The following RBM20 variants were observed in gnomAD, a reference collection of about 807,000 sequenced individuals.
The protein encoded by RBM20 is RNA binding motif protein 20.
Under a neutral mutation model 110.1 loss-of-function variants are expected in RBM20, and 51 were observed. The ratio of observed to expected loss-of-function variants is 0.46; its 90% CI spans 0.37 to 0.59. RBM20 has a LOEUF of 0.59. Ranked by LOEUF, RBM20 falls within the 20% of genes least tolerant of loss-of-function variation. RBM20 has a pLI of 0.00. For missense variants in RBM20, 1,512 were observed against 1,574.9 expected (o/e 0.96, Z 0.68); for synonymous variants, 589 against 618.2 (o/e 0.95, Z 0.70).
intron 1 of RBM20, among the ~76,000 whole-genome samples, chr10:110,659,030 C>A (rs1442907933): frequency 6.6e-6 from 1 of 152,196 alleles, no homozygotes; most frequent in Non-Finnish European, 1.5e-5. Context: ...CCTTTGCTAT[C>A]CTCATCACCT....
chr10:110,818,106 C>T lies in RBM20; in HGVS notation c.2551-1966C>T, dbSNP rs182158214. On this transcript the variant is annotated intron_variant, in intron 9 of 13. Coordinates refer to ENST00000369519, the MANE Select transcript of RBM20 (RefSeq NM_001134363.3). Reference sequence around the variant, plus strand: ...ACCAGCCTGGCCAACATGGTGAAACCCTGTCTCTACTAAAAATACAAAAAA... The same window carrying T: ...ACCAGCCTGGCCAACATGGTGAAACTCTGTCTCTACTAAAAATACAAAAAA... Among the ~76,000 whole-genome samples the T allele has an allele frequency of 1.8e-3, 247 of 139,670 alleles. 2 individuals carry two copies. Among genetic ancestry groups the T allele is most frequent in the African/African-American group, 6.4e-3 (238 of 37,126 alleles). 91.6% of individuals were successfully genotyped at this position (139,670 alleles called of 152,430 possible).
At chr10:110,768,022 G>A (rs1292616813) in intron 1 of RBM20, among the ~76,000 whole-genome samples, 1 of 152,250 alleles carries the variant, frequency 6.6e-6, no homozygotes, top group Non-Finnish European at 1.5e-5. Context: ...GCGGTTAGGA[G>A]CTGGAGACCA....
At chr10:110,806,062 C>T (rs998063392) in intron 7 of RBM20, among the ~76,000 whole-genome samples, 3 of 152,094 alleles carry the variant, frequency 2.0e-5, no homozygotes, top group Non-Finnish European at 2.9e-5. Context: ...CACTTGAGGT[C>T]AGGGGTTCAA....
intron 1 of RBM20, among the ~76,000 whole-genome samples, chr10:110,664,696 G>A (rs1342689696): frequency 2.6e-5 from 4 of 152,158 alleles, no homozygotes; most frequent in Middle Eastern, 3.4e-3. Context: ...GCAGTGAGCC[G>A]AGATGGTGCC....
intron 5 of RBM20, among the ~76,000 whole-genome samples, chr10:110,786,574 TG>T (rs1235548241): frequency 2.0e-5 from 3 of 152,246 alleles, no homozygotes; most frequent in Non-Finnish European, 4.4e-5. Flanking sequence ...AAGAGAATTT[TG>T]TGGTTTCCCT....
At position 110,784,827 on chromosome 10, in the gene RBM20, A is replaced by T. The variant is rs1428693228; in HGVS notation, c.1465A>T (p.Ile489Phe). Reference protein sequence around the residue: ...ASNLGTSYVPIPARSFTQSSP... With the variant: ...ASNLGTSYVPFPARSFTQSSP... ...AAATCTTGGAACATCATACGTGCCC[A>T]TTCCAGCAAGGTCATTCACTCAGTC... Residue 489 changes from isoleucine (I) to phenylalanine (F), a missense_variant, in exon 5 of 14, where the codon ATT becomes TTT. Ile to Phe is a conservative substitution (Grantham distance 21). Coordinates refer to ENST00000369519, the MANE Select transcript of RBM20 (RefSeq NM_001134363.3). 1 of 1,551,244 alleles carries T rather than the reference A, an allele frequency of 6.4e-7. No individual in the cohort carries two copies. The highest frequency in any genetic ancestry group is 8.7e-7 in the Non-Finnish European group (1 of 1,146,680).
At chr10:110,724,680 G>A (rs529839233) in intron 1 of RBM20, among the ~76,000 whole-genome samples, 154 of 152,316 alleles carry the variant, frequency 1.0e-3, no homozygotes, top group African/African-American at 3.5e-3. Context: ...GACTCAGGGA[G>A]GGGACATTCT....
At chr10:110,758,839 C>T (rs1402806988) in intron 1 of RBM20, among the ~76,000 whole-genome samples, 3 of 152,154 alleles carry the variant, frequency 2.0e-5, no homozygotes, top group Non-Finnish European at 4.4e-5. Context: ...GTAGGGAGGG[C>T]AGCTTGTGAG....
At chr10:110,818,258 T>C (rs1309317449) in intron 9 of RBM20, among the ~76,000 whole-genome samples, 3 of 122,642 alleles carry the variant, frequency 2.4e-5, no homozygotes, top group African/African-American at 9.1e-5. Context: ...GCCATTGCAC[T>C]CCAGCCTGGG....
At chr10:110,819,072 A>G (rs1844877167) in intron 9 of RBM20, among the ~76,000 whole-genome samples, 1 of 152,218 alleles carries the variant, frequency 6.6e-6, no homozygotes. Context: ...TGATTGTAAG[A>G]AATCAGAACT....
At chr10:110,662,730 A>G (rs964480595) in intron 1 of RBM20, among the ~76,000 whole-genome samples, 6 of 152,190 alleles carry the variant, frequency 3.9e-5, no homozygotes, top group Non-Finnish European at 8.8e-5. Context: ...TCATGTCACT[A>G]TTTGCAATAG....
chr10:110,815,083 G>C (rs1169472574), intron 9 of RBM20, among the ~76,000 whole-genome samples: 5 of 152,210 alleles, frequency 3.3e-5, no homozygotes, highest in Admixed American at 3.3e-4. Flanking sequence ...TTTGCTAATA[G>C]GTGTAAAAGT....
chr10:110,716,019 C>T (rs1269922615), intron 1 of RBM20, among the ~76,000 whole-genome samples: 1 of 152,220 alleles, frequency 6.6e-6, no homozygotes, highest in East Asian at 1.9e-4. Context: ...CCCTCACTCA[C>T]TTGCAGCAAA....
At chr10:110,792,141 GTCTATCTA>G (rs55998629) in intron 5 of RBM20, among the ~76,000 whole-genome samples, 20,707 of 147,474 alleles carry the variant, frequency 0.14, 1,727 homozygotes, top group East Asian at 0.36. Context: ...TCCTCTATCT[GTCTATCTA>G]TCTATCTATC....
At chr10:110,784,259 C>T (rs1844391296) in intron 3 of RBM20, 82 bp from the exon 4 acceptor site, 6 of 1,032,870 alleles carry the variant, frequency 5.8e-6, no homozygotes, top group East Asian at 2.6e-5. Context: ...GGGTCTGCAC[C>T]TACGAGTGGA....
chr10:110,786,422 A>G (rs1434468983), intron 5 of RBM20, among the ~76,000 whole-genome samples: 1 of 152,256 alleles, frequency 6.6e-6, no homozygotes, highest in African/African-American at 2.4e-5. Context: ...GGAGTGAGTA[A>G]GCGGAAAAGC....
chr10:110,665,210 T>A (rs996987315), intron 1 of RBM20, among the ~76,000 whole-genome samples: 6 of 152,144 alleles, frequency 3.9e-5, no homozygotes, highest in Admixed American at 3.9e-4. Flanking sequence ...GTCTAATAAA[T>A]ACAGAAGGAA....
intron 12 of RBM20, among the ~76,000 whole-genome samples, chr10:110,830,503 C>A (rs1255068201): frequency 6.6e-6 from 1 of 152,140 alleles, no homozygotes; most frequent in Non-Finnish European, 1.5e-5. Context: ...AAAATGGCCC[C>A]CCCAAAAGAG....
intron 1 of RBM20, among the ~76,000 whole-genome samples, chr10:110,652,432 A>G: frequency 6.6e-6 from 1 of 152,236 alleles, no homozygotes; most frequent in East Asian, 1.9e-4. Flanking sequence ...TACTTTTACA[A>G]TAAAAGAAAA....
Sources: gnomAD v4.1 joint callset for allele counts (sites outside exome capture counted in the v4.1 genomes callset) on GRCh38, gnomAD v4.1.1 for gene constraint, MANE v1.5 for transcripts, NCBI Gene and HGNC (gene_info 2026-07-23, HGNC 2026-07-21) for gene names.